The following NT5M variants were observed in gnomAD, a reference collection of about 807,000 sequenced individuals.
NT5M encodes 5'(3')-deoxyribonucleotidase, mitochondrial.
In NT5M, 22 loss-of-function variants were observed where a neutral mutation model predicts 22.2. That is an observed-to-expected ratio of 0.99 (90% CI 0.71 to 1.41). The LOEUF is 1.41. Among genes scored for constraint, NT5M ranks in the 40% most tolerant of loss-of-function variants. The pLI, the probability that NT5M is intolerant of heterozygous loss-of-function variation, is 0.00. For synonymous variants in NT5M, 167 were observed against 133.0 expected, an observed-to-expected ratio of 1.26 and a Z score of -1.76; for missense variants, 322 against 314.8, an observed-to-expected ratio of 1.02 and a Z score of -0.17.
chr17:17,326,790 C>T (rs1262645533), intron 3 of NT5M, among the ~76,000 whole-genome samples: 1 of 152,210 alleles, frequency 6.6e-6, no homozygotes, highest in Non-Finnish European at 1.5e-5. Context: ...AGAAGGGTCA[C>T]ACTCATAGTG....
intron 2 of NT5M, among the ~76,000 whole-genome samples, chr17:17,312,155 AAAT>A (rs1368145594): frequency 6.6e-6 from 1 of 152,274 alleles, no homozygotes; most frequent in Non-Finnish European, 1.5e-5. Flanking sequence ...GGTGCTCAGC[AAAT>A]GCTAGCTGCT....
chr17:17,326,459 G>A (rs1357953982), intron 3 of NT5M, among the ~76,000 whole-genome samples: 1 of 152,226 alleles, frequency 6.6e-6, no homozygotes, highest in East Asian at 1.9e-4. Flanking sequence ...ACAGGCTCTG[G>A]CTCACTTGAA....
chr17:17,321,843 C>T (rs1290943012), intron 2 of NT5M, among the ~76,000 whole-genome samples: 2 of 151,712 alleles, frequency 1.3e-5, no homozygotes, highest in African/African-American at 2.4e-5. Flanking sequence ...GGTGTCTCCA[C>T]GAGGCTGAAG....
chr17:17,319,766 G>T (rs941576585), intron 2 of NT5M, among the ~76,000 whole-genome samples: 2 of 152,216 alleles, frequency 1.3e-5, no homozygotes, highest in Non-Finnish European at 2.9e-5. Context: ...GAGAACCTTT[G>T]AGGGTGGCAG....
At chr17:17,317,824 A>C (rs992677510) in intron 2 of NT5M, among the ~76,000 whole-genome samples, 8 of 152,064 alleles carry the variant, frequency 5.3e-5, no homozygotes, top group Admixed American at 3.9e-4. Context: ...TTAGCTAGGC[A>C]TGGTGGCAGG....
intron 3 of NT5M, among the ~76,000 whole-genome samples, chr17:17,338,444 C>T (rs978459628): frequency 2.6e-5 from 4 of 152,110 alleles, no homozygotes; most frequent in East Asian, 1.9e-4. Context: ...CCGCCCGCCT[C>T]GGCCTCCCAA....
At chr17:17,334,667 G>C (rs983664207) in intron 3 of NT5M, among the ~76,000 whole-genome samples, 3 of 151,590 alleles carry the variant, frequency 2.0e-5, no homozygotes, top group African/African-American at 7.3e-5. Flanking sequence ...GTTGAGACGG[G>C]GTTTCACCAT....
intron 3 of NT5M, 119 bp downstream of exon 3, chr17:17,323,364 C>T: frequency 1.2e-6 from 1 of 845,028 alleles, no homozygotes; most frequent in Non-Finnish European, 2.0e-6. Flanking sequence ...ACCTCTGTGA[C>T]AGCGGCTTTC....
At chr17:17,321,050 G>A (rs1047387740) in intron 2 of NT5M, among the ~76,000 whole-genome samples, 7 of 152,242 alleles carry the variant, frequency 4.6e-5, no homozygotes, top group South Asian at 2.1e-4. Flanking sequence ...ATTCTGCTTC[G>A]AAGGGAGCAG....
At chr17:17,326,032 G>T (rs372408816) in intron 3 of NT5M, among the ~76,000 whole-genome samples, 21 of 152,152 alleles carry the variant, frequency 1.4e-4, no homozygotes, top group African/African-American at 4.8e-4. Context: ...AGCACCCAGC[G>T]CAGGGTGGCA....
intron 3 of NT5M, among the ~76,000 whole-genome samples, chr17:17,338,948 C>G (rs796875698): frequency 6.6e-6 from 1 of 151,722 alleles, no homozygotes; most frequent in Non-Finnish European, 1.5e-5. Context: ...AGGATGGTCT[C>G]GATTTCCTGA....
At chr17:17,334,434 A>G (rs1050059162) in intron 3 of NT5M, among the ~76,000 whole-genome samples, 1 of 149,712 alleles carries the variant, frequency 6.7e-6, no homozygotes, top group Non-Finnish European at 1.5e-5. Flanking sequence ...CTCTGATCTA[A>G]GTGTCCCACC....
At chr17:17,313,618 C>T (rs1275954986) in intron 2 of NT5M, among the ~76,000 whole-genome samples, 2 of 152,226 alleles carry the variant, frequency 1.3e-5, no homozygotes, top group Non-Finnish European at 2.9e-5. Context: ...GCTGCATGCT[C>T]AGCCTCATCC....
intron 2 of NT5M, among the ~76,000 whole-genome samples, chr17:17,316,991 G>A (rs1440488936): frequency 4.0e-5 from 6 of 151,060 alleles, no homozygotes; most frequent in African/African-American, 7.3e-5. Context: ...TGGGATTACA[G>A]GCATGAGCCA....
At chr17:17,333,805 C>A (rs1248735876) in intron 3 of NT5M, among the ~76,000 whole-genome samples, 1 of 151,492 alleles carries the variant, frequency 6.6e-6, no homozygotes, top group East Asian at 1.9e-4. Flanking sequence ...TTACAGGCAC[C>A]TACCACCATG....
intron 3 of NT5M, among the ~76,000 whole-genome samples, chr17:17,329,129 T>C (rs989055719): frequency 1.2e-4 from 18 of 152,118 alleles, no homozygotes; most frequent in African/African-American, 4.1e-4. Flanking sequence ...AGGTGCCTGC[T>C]ACCACGCCGA....
chr17:17,343,491 A>C (rs1235523018), intron 3 of NT5M, among the ~76,000 whole-genome samples: 1 of 152,204 alleles, frequency 6.6e-6, no homozygotes, highest in African/African-American at 2.4e-5. Flanking sequence ...GGCCGGTTGC[A>C]GAGGGTCATG....
intron 2 of NT5M, among the ~76,000 whole-genome samples, chr17:17,315,948 C>T (rs138419388): frequency 6.6e-6 from 1 of 150,626 alleles, no homozygotes; most frequent in Non-Finnish European, 1.5e-5. Flanking sequence ...GTAGAGATGG[C>T]GTTTCACTGT....
At chr17:17,316,685 GGTTTTGTTTTTTGTTTT>G (rs1428614328) in intron 2 of NT5M, among the ~76,000 whole-genome samples, 57 of 138,896 alleles carry the variant, frequency 4.1e-4, no homozygotes, top group African/African-American at 1.3e-3. Flanking sequence ...CATAACTTAG[GGTTTTGTTTTTTGTTTT>G]GTTTTGTTTT....
Sources: allele counts gnomAD v4.1 joint callset (sites outside exome capture counted in the v4.1 genomes callset), GRCh38; gene constraint gnomAD v4.1.1; transcripts MANE v1.5; gene names NCBI Gene and HGNC (gene_info 2026-07-23, HGNC 2026-07-21).